SCCPDH: variants seen among roughly 807,000 people sequenced by gnomAD.
SCCPDH encodes saccharopine dehydrogenase-like oxidoreductase.
A neutral mutation model predicts 51.5 loss-of-function variants in SCCPDH; 34 were observed. The observed-to-expected ratio is 0.66, with a 90% CI of 0.50 to 0.88. The LOEUF (loss-of-function observed/expected upper bound fraction) is 0.88, where lower values mean the gene tolerates loss of function less well. Ranked by LOEUF, SCCPDH falls within the 40% of genes least tolerant of loss-of-function variation. SCCPDH has a pLI of 0.00. For synonymous variants in SCCPDH, 187 were observed against 191.3 expected (o/e 0.98, Z 0.19); for missense variants, 464 against 527.1 (o/e 0.88, Z 1.17).
At chr1:246,739,001 CTA>C (rs1165311214) in intron 3 of SCCPDH, among the ~76,000 whole-genome samples, 7 of 152,090 alleles carry the variant, frequency 4.6e-5, no homozygotes, top group Admixed American at 1.3e-4. Flanking sequence ...ATGTGTGTGA[CTA>C]TGTTAGTGTG....
At chr1:246,725,814 C>T (rs1300252984) in intron 1 of SCCPDH, among the ~76,000 whole-genome samples, 1 of 152,178 alleles carries the variant, frequency 6.6e-6, no homozygotes, top group Admixed American at 6.5e-5. Context: ...AATCAAGTTT[C>T]ATTGTGGGGG....
intron 5 of SCCPDH, among the ~76,000 whole-genome samples, chr1:246,754,347 A>C (rs1293842904): frequency 1.3e-5 from 2 of 152,232 alleles, no homozygotes; most frequent in Admixed American, 1.3e-4. Context: ...AGGCCACTGC[A>C]ACAAGGCAGC....
chr1:246,735,948 A>G, intron 2 of SCCPDH, 27 bp from the exon 3 acceptor site: 1 of 1,465,074 alleles, frequency 6.8e-7, no homozygotes, highest in Non-Finnish European at 9.5e-7. Flanking sequence ...AGCAAGAATA[A>G]CCTCTTTGTT....
At chr1:246,765,910 A>G (rs1669081299) in intron 10 of SCCPDH, 148 bp from the exon 11 acceptor site, 2 of 612,876 alleles carry the variant, frequency 3.3e-6, no homozygotes, top group African/African-American at 1.8e-5. Flanking sequence ...TACTTTCGAT[A>G]TGTTATTTTT....
At chr1:246,740,590 C>T (rs1005247617) in intron 4 of SCCPDH, among the ~76,000 whole-genome samples, 3 of 152,128 alleles carry the variant, frequency 2.0e-5, no homozygotes, top group Non-Finnish European at 2.9e-5. Flanking sequence ...TAAATTCAAA[C>T]TTGCTTTGTT....
chr1:246,759,983 G>A lies in SCCPDH; in HGVS notation c.840G>A (p.Val280=). The A allele has an allele frequency of 6.2e-7, 1 of 1,613,518 alleles. No individual in the cohort carries two copies. ...SPVQYAAYVT[V]GGITSVIKLM... ...TTCAGTATGCTGCGTATGTAACTGTGGGAGGCATCACCTCTGTTATTAAGC... is the reference window on the plus strand; with the variant it reads ...TTCAGTATGCTGCGTATGTAACTGTAGGAGGCATCACCTCTGTTATTAAGC... The change falls in exon 8 of 12, where the codon GTG becomes GTA. Residue 280 remains valine, a synonymous_variant. Transcript: ENST00000366510.
chr1:246,733,119 C>T (rs1242301613), intron 2 of SCCPDH, among the ~76,000 whole-genome samples: 1 of 152,164 alleles, frequency 6.6e-6, no homozygotes, highest in African/African-American at 2.4e-5. Flanking sequence ...GGGGGTCTCA[C>T]TTTGTTGCCC....
chr1:246,759,568 CA>C (rs1217656247), intron 7 of SCCPDH, among the ~76,000 whole-genome samples: 4 of 152,138 alleles, frequency 2.6e-5, no homozygotes, highest in African/African-American at 9.7e-5. Flanking sequence ...GCCGAGACTT[CA>C]GGAGGAAATT....
At chr1:246,732,737 T>TA (rs933923448) in intron 2 of SCCPDH, among the ~76,000 whole-genome samples, 5 of 151,886 alleles carry the variant, frequency 3.3e-5, no homozygotes, top group African/African-American at 1.2e-4. Flanking sequence ...TGCCATTAAA[T>TA]AAAAAAAAGA....
chr1:246,745,178 C>T (rs571251002), intron 5 of SCCPDH, among the ~76,000 whole-genome samples: 2 of 151,396 alleles, frequency 1.3e-5, no homozygotes, highest in Non-Finnish European at 3.0e-5. Context: ...AAGACATTGA[C>T]GTTGGGAACG....
chr1:246,762,381 C>A (rs1233479825), intron 9 of SCCPDH, among the ~76,000 whole-genome samples: 1 of 152,198 alleles, frequency 6.6e-6, no homozygotes, highest in Non-Finnish European at 1.5e-5. Context: ...AGGCTTCCAT[C>A]TCTTGCTTGA....
intron 9 of SCCPDH, among the ~76,000 whole-genome samples, chr1:246,762,022 G>C (rs1669023840): frequency 6.6e-6 from 1 of 152,216 alleles, no homozygotes; most frequent in African/African-American, 2.4e-5. Flanking sequence ...GTATACGAGA[G>C]TTCCAGTTTC....
intron 3 of SCCPDH, among the ~76,000 whole-genome samples, chr1:246,738,300 C>G (rs1448413155): frequency 6.6e-6 from 1 of 151,788 alleles, no homozygotes; most frequent in Non-Finnish European, 1.5e-5. Flanking sequence ...ATCACGAGGT[C>G]AAGAGATCGA....
rs1290029599 is a variant in SCCPDH, at chr1:246,726,938, T to A, written c.237T>A (p.Ile79=). ...SSEVGIIICD[I]ANPASLDEMA... ...AAGTTGGAATCATCATCTGTGATAT[T>A]GCTAATCCAGCCTCGCTTGATGAAA... The change falls in exon 2 of 12, where the codon ATT becomes ATA. Residue 79 remains isoleucine, a synonymous_variant. Transcript: ENST00000366510. 1 of 1,614,208 alleles carries A rather than the reference T, an allele frequency of 6.2e-7. No homozygotes were observed. The highest frequency in any genetic ancestry group is 2.2e-5 in the East Asian group (1 of 44,890).
At position 246,736,706 on chromosome 1, in the gene SCCPDH, C is replaced by CA. The variant is rs113165750; in HGVS notation, c.384+662dup. 8.3e-3 allele frequency among the ~76,000 whole-genome samples: 1,089 copies of CA among 130,914 alleles called. 14 individuals are homozygous for CA. The highest frequency in any genetic ancestry group is 0.025 in the African/African-American group (902 of 35,412). The allele number at this position is 130,914 out of a possible 152,430, so 85.9% of individuals were successfully genotyped here. On this transcript the variant is annotated intron_variant, in intron 3 of 11. Transcript: ENST00000366510. ...ACAGAGCGAGAGCGAGACTCTGTCT[C>CA]AAAAAAAAAAAGAAAATTCAGTTAC...
chr1:246,761,002 C>T lies in SCCPDH; in HGVS notation c.990+775C>T, dbSNP rs544492035. The stretch of plus-strand genomic sequence containing the variant: ...AATTGAGAGCACTGTTTTGTATCCC[C>T]TCAAATTCCTACTCTCAGACCTATC... On this transcript the variant is annotated intron_variant, in intron 9 of 11. Coordinates refer to ENST00000366510, the MANE Select transcript of SCCPDH (RefSeq NM_016002.3). 2.0e-5 allele frequency among the ~76,000 whole-genome samples: 3 copies of T among 152,306 alleles called. No individual in the cohort carries two copies. In the East Asian group the frequency reaches 5.8e-4, roughly 29 times the overall value.
chr1:246,738,239 G>A (rs1351164124), intron 3 of SCCPDH, among the ~76,000 whole-genome samples: 1 of 151,880 alleles, frequency 6.6e-6, no homozygotes, highest in Non-Finnish European at 1.5e-5. Flanking sequence ...AGGGCTGGGT[G>A]CGGTGGCTCA....
intron 3 of SCCPDH, among the ~76,000 whole-genome samples, chr1:246,738,491 C>T (rs1668631502): frequency 6.7e-6 from 1 of 149,338 alleles, no homozygotes; most frequent in South Asian, 2.1e-4. Flanking sequence ...AGCCTGGCGA[C>T]AGAGTGGGAC....
intron 2 of SCCPDH, among the ~76,000 whole-genome samples, chr1:246,731,414 C>T (rs931402643): frequency 7.9e-5 from 12 of 152,304 alleles, no homozygotes; most frequent in African/African-American, 2.6e-4. Context: ...CTGCAGCCTG[C>T]CAGTACTCAT....
Sources: allele counts gnomAD v4.1 joint callset (sites outside exome capture counted in the v4.1 genomes callset), GRCh38; gene constraint gnomAD v4.1.1; transcripts MANE v1.5; gene names NCBI Gene and HGNC (gene_info 2026-07-23, HGNC 2026-07-21).